ACOT12: variants seen among roughly 807,000 people sequenced by gnomAD.
ACOT12 encodes the protein acetyl-coenzyme A thioesterase.
A neutral mutation model predicts 67.7 loss-of-function variants in ACOT12; 51 were observed. That is an observed-to-expected ratio of 0.75 (90% CI 0.60 to 0.95). The LOEUF is 0.95. Ranked by LOEUF, ACOT12 falls within the 40% of genes least tolerant of loss-of-function variation. The pLI is 0.00. For missense variants in ACOT12, 734 were observed against 708.1 expected, an observed-to-expected ratio of 1.04 and a Z score of -0.41; for synonymous variants, 251 against 244.6, an observed-to-expected ratio of 1.03 and a Z score of -0.24.
the ACOT12 span, chr5:81,312,920 C>T: frequency 4.1e-6 from 1 of 244,942 alleles, no homozygotes; most frequent in Non-Finnish European, 7.9e-6. Flanking sequence ...AGAACTTAGA[C>T]ATAACCAAGT....
At chr5:81,391,898 A>G (rs1760873740) in intron 1 of ACOT12, among the ~76,000 whole-genome samples, 1 of 152,192 alleles carries the variant, frequency 6.6e-6, no homozygotes, top group Non-Finnish European at 1.5e-5. Flanking sequence ...TAGACTTTTG[A>G]CTTGCTCAAC....
intron 11 of ACOT12, among the ~76,000 whole-genome samples, chr5:81,337,167 A>G (rs1759030590): frequency 6.6e-6 from 1 of 152,206 alleles, no homozygotes; most frequent in Non-Finnish European, 1.5e-5. Flanking sequence ...TATCAGATTC[A>G]TCAGTCATCC....
intron 1 of ACOT12, among the ~76,000 whole-genome samples, chr5:81,390,842 T>C (rs528661911): frequency 8.5e-5 from 13 of 152,326 alleles, no homozygotes; most frequent in African/African-American, 3.1e-4. Context: ...TGCTTTAAAA[T>C]CCTTGAAGCT....
rs1758764137 is a variant in ACOT12, at chr5:81,330,025, T to C, written c.*369A>G. ...CAAATCATTTTAGATTTTATAATTTTTTTTTTGGAATTTCACACAGAATGC... is the reference window on the plus strand; with the variant it reads ...CAAATCATTTTAGATTTTATAATTTCTTTTTTGGAATTTCACACAGAATGC... On this transcript the variant is annotated 3_prime_UTR_variant, in exon 15 of 15. Transcript: ENST00000307624. 6.3e-6 allele frequency: 1 copy of C among 157,886 alleles called. No homozygotes were observed. The highest frequency in any genetic ancestry group is 6.3e-5 in the Admixed American group (1 of 15,836). 9.8% of individuals were successfully genotyped at this position (157,886 alleles called of 1,614,324 possible).
At chr5:81,311,470 A>T in the ACOT12 span, among the ~76,000 whole-genome samples, 1 of 152,346 alleles carries the variant, frequency 6.6e-6, no homozygotes, top group African/African-American at 2.4e-5. Flanking sequence ...AGTTGGGGGA[A>T]AAAAGTGACC....
chr5:81,374,677 G>A (rs1193764841), intron 2 of ACOT12, among the ~76,000 whole-genome samples: 3 of 152,216 alleles, frequency 2.0e-5, no homozygotes, highest in Non-Finnish European at 4.4e-5. Flanking sequence ...AACACAGCAC[G>A]AGAACTTCAT....
chr5:81,386,995 A>ATTTTTTTTTT (rs869281800), intron 1 of ACOT12, among the ~76,000 whole-genome samples: 4 of 81,334 alleles, frequency 4.9e-5, no homozygotes, highest in Admixed American at 1.5e-4. Flanking sequence ...GATGAGTTCC[A>ATTTTTTTTTT]TTTTTTTTTT....
intron 2 of ACOT12, among the ~76,000 whole-genome samples, chr5:81,385,344 G>A (rs1373413381): frequency 6.6e-6 from 1 of 152,146 alleles, no homozygotes; most frequent in Non-Finnish European, 1.5e-5. Flanking sequence ...GCATGTGCCT[G>A]TAGTCCCAGC....
At chr5:81,341,406 A>G (rs942193566) in intron 11 of ACOT12, among the ~76,000 whole-genome samples, 1 of 152,258 alleles carries the variant, frequency 6.6e-6, no homozygotes, top group Non-Finnish European at 1.5e-5. Flanking sequence ...ATTTACTTAG[A>G]TTTAAAGGTA....
chr5:81,334,278 C>T (rs1247299998), intron 12 of ACOT12, among the ~76,000 whole-genome samples: 2 of 152,280 alleles, frequency 1.3e-5, no homozygotes, highest in South Asian at 4.1e-4. Context: ...AGGGTCTGAT[C>T]GAGCTGATTA....
chr5:81,371,371 G>A lies in ACOT12; in HGVS notation c.258+379C>T, dbSNP rs762107924. 2.8e-4 allele frequency among the ~76,000 whole-genome samples: 42 copies of A among 151,936 alleles called. 1 individual carries two copies. Among genetic ancestry groups the A allele is most frequent in the Non-Finnish European group, 1.0e-4 (7 of 68,016 alleles). ...GGGCTCAAGCAATCCGCCCACCTCCGTCTCCTGAGTACCCAGGGCTACAGG... is the reference window on the plus strand; with the variant it reads ...GGGCTCAAGCAATCCGCCCACCTCCATCTCCTGAGTACCCAGGGCTACAGG... On this transcript the variant is annotated intron_variant, in intron 3 of 14. Coordinates refer to ENST00000307624, the MANE Select transcript of ACOT12 (RefSeq NM_130767.3).
intron 4 of ACOT12, among the ~76,000 whole-genome samples, chr5:81,361,469 C>T (rs1759906544): frequency 6.6e-6 from 1 of 151,686 alleles, no homozygotes; most frequent in Admixed American, 6.6e-5. Flanking sequence ...CCAAAGCACT[C>T]AGATTATAAG....
At chr5:81,348,943 C>T (rs1210812613) in intron 5 of ACOT12, among the ~76,000 whole-genome samples, 2 of 152,250 alleles carry the variant, frequency 1.3e-5, no homozygotes, top group Non-Finnish European at 2.9e-5. Context: ...ATCATTTACT[C>T]TGGCTGCAAA....
rs947983528 is a variant in ACOT12 at position 81,376,136 on chromosome 5, A to G, written c.198-4326T>C. On this transcript the variant is annotated intron_variant, in intron 2 of 14. Coordinates refer to ENST00000307624, the MANE Select transcript of ACOT12 (RefSeq NM_130767.3). ...CAAAAGAACGGAAATCATAACAAAC[A>G]GTCTCTCAGACCACAGTGCAATCAA... is the stretch of plus-strand genomic sequence containing the variant. 4.6e-5 allele frequency among the ~76,000 whole-genome samples: 7 copies of G among 152,232 alleles called. 1 individual carries two copies. In the South Asian group the frequency reaches 1.2e-3, roughly 27 times the overall value.
the ACOT12 span, among the ~76,000 whole-genome samples, chr5:81,324,723 A>G: frequency 1.3e-5 from 2 of 152,226 alleles, no homozygotes; most frequent in African/African-American, 4.8e-5. Flanking sequence ...AGAGTGTGAC[A>G]TCATGGAAGT....
At chr5:81,372,844 T>C (rs1760295480) in intron 2 of ACOT12, among the ~76,000 whole-genome samples, 1 of 152,212 alleles carries the variant, frequency 6.6e-6, no homozygotes. Flanking sequence ...CAGTGATGAA[T>C]AAGACAAAAC....
chr5:81,334,785 G>A (rs1758944561), intron 12 of ACOT12, among the ~76,000 whole-genome samples: 1 of 152,352 alleles, frequency 6.6e-6, no homozygotes, highest in Admixed American at 6.5e-5. Flanking sequence ...CTGGGCCCCA[G>A]TGCAGCTGGT....
At position 81,344,918 on chromosome 5, in the gene ACOT12, C is replaced by G. The variant is rs772097091; in HGVS notation, c.897G>C (p.Thr299=). 4 of 1,614,100 alleles carry G rather than the reference C, an allele frequency of 2.5e-6. 1 individual carries two copies. The highest frequency in any genetic ancestry group is 1.3e-5 in the African/African-American group (1 of 75,006). The change falls in exon 8 of 15, where the codon ACG becomes ACC. Residue 299 remains threonine, a synonymous_variant. Transcript: ENST00000307624. ...TTGAAATGGGTTGGATTCTGGGAAA[C>G]GTGATGAGATTTTCCTTATCATCAG... is the stretch of plus-strand genomic sequence containing the variant. ...NAADDKENLI[T]FPRIQPISKD... is the part of the protein sequence containing the mutation.
chr5:81,332,706 G>T (rs1758869161), intron 12 of ACOT12, 101 bp from the exon 13 acceptor site: 3 of 1,392,132 alleles, frequency 2.2e-6, no homozygotes, highest in Admixed American at 3.7e-5. Context: ...ATCCATATTT[G>T]CCCCTTCAGC....
Sources: allele counts gnomAD v4.1 joint callset (sites outside exome capture counted in the v4.1 genomes callset), GRCh38; gene constraint gnomAD v4.1.1; transcripts MANE v1.5; gene names NCBI Gene and HGNC (gene_info 2026-07-23, HGNC 2026-07-21).